Variants in TESMIN observed in about 807,000 individuals in gnomAD.
TESMIN encodes testis expressed metallothionein like protein, also known as CXC domain containing 2.
TESMIN carries 34 observed loss-of-function variants against 47.4 expected under a neutral mutation model. That is an observed-to-expected ratio of 0.72 (90% CI 0.55 to 0.96). TESMIN has a LOEUF of 0.96. TESMIN is among the 40% of genes least tolerant of loss of function. TESMIN has a pLI of 0.00. For missense variants in TESMIN, 610 were observed against 637.2 expected (o/e 0.96, Z 0.46); for synonymous variants, 278 against 258.9 (o/e 1.07, Z -0.71).
chr11:68,708,222 G>A lies in TESMIN; in HGVS notation c.*86C>T. ...AGGGGAGCCTGGTTGTTGCTGCAGA[G>A]CCAGCCTCATGTTCCCCTAAACATC... On this transcript the variant is annotated 3_prime_UTR_variant, in exon 10 of 10. Transcript: ENST00000255087. The A allele has an allele frequency of 7.4e-7, 1 of 1,344,594 alleles. No homozygotes were observed. 83.3% of individuals were successfully genotyped at this position (1,344,594 alleles called of 1,614,324 possible).
chr11:68,750,181 G>A lies in TESMIN; in HGVS notation c.471+9C>T, dbSNP rs1178393680. On this transcript the variant is annotated intron_variant, in intron 2 of 9. Transcript: ENST00000255087. ...GGGGAGCTGTGCCCATTCCCCAGGC[G>A]GTTCTTACTGGGATCATGCGGACGC... The A allele has an allele frequency of 2.0e-6, 3 of 1,464,506 alleles. No homozygotes were observed. Among genetic ancestry groups the A allele is most frequent in the Non-Finnish European group, 2.7e-6 (3 of 1,117,526 alleles). The allele number at this position is 1,464,506 out of a possible 1,614,324, so 90.7% of individuals were successfully genotyped here. A position where few individuals can be genotyped will look rare whatever the true frequency, so the allele number is the denominator to read the frequency against.
intron 5 of TESMIN, among the ~76,000 whole-genome samples, chr11:68,741,700 T>C (rs1324675432): frequency 2.6e-5 from 4 of 152,192 alleles, no homozygotes; most frequent in Non-Finnish European, 5.9e-5. Flanking sequence ...GAGACACATA[T>C]GGCCTCTGCC....
chr11:68,738,310 C>A (rs1946412291), intron 6 of TESMIN: 1 of 1,007,814 alleles, frequency 9.9e-7, no homozygotes. Flanking sequence ...CACTCTGCAG[C>A]CCCCCGTTCA....
chr11:68,723,512 G>C (rs997507116), intron 6 of TESMIN, among the ~76,000 whole-genome samples: 1 of 146,182 alleles, frequency 6.8e-6, no homozygotes, highest in African/African-American at 2.5e-5. Flanking sequence ...AAGGTAAGCA[G>C]TTAACACAAA....
chr11:68,718,204 G>A (rs1179646688), intron 6 of TESMIN, among the ~76,000 whole-genome samples: 1 of 35,496 alleles, frequency 2.8e-5, no homozygotes, highest in Non-Finnish European at 6.5e-5. Context: ...TCTTAAGTAT[G>A]AGCAGAGTGA....
intron 6 of TESMIN, among the ~76,000 whole-genome samples, chr11:68,719,812 A>G (rs34537179): frequency 0.11 from 16,073 of 152,246 alleles, 1,135 homozygotes; most frequent in Non-Finnish European, 0.16. Flanking sequence ...AGAGAGGTTA[A>G]GAGAAACAGT....
rs542506641 is a variant in TESMIN at position 68,750,547 on chromosome 11, G to T, written c.114C>A (p.Pro38=). The T allele has an allele frequency of 1.7e-5, 28 of 1,606,548 alleles. 1 individual carries two copies. The East Asian group carries it at 1.8e-4, about 10-fold the overall frequency. ...FASENIGLKA[P]VKYEEDEFHV... is the part of the protein sequence containing the mutation. ...GGAACTCGTCCTCCTCGTACTTCACGGGGGCCTTCAGGCCGATGTTCTCCG... is the reference window on the plus strand; with the variant it reads ...GGAACTCGTCCTCCTCGTACTTCACTGGGGCCTTCAGGCCGATGTTCTCCG... The change falls in exon 2 of 10, where the codon CCC becomes CCA. Residue 38 remains proline, a synonymous_variant. Coordinates refer to ENST00000255087, the MANE Select transcript of TESMIN (RefSeq NM_004923.3).
chr11:68,745,215 T>C lies in TESMIN; in HGVS notation c.631-104A>G, dbSNP rs1481301540. On this transcript the variant is annotated intron_variant, in intron 3 of 9. Coordinates refer to ENST00000255087, the MANE Select transcript of TESMIN (RefSeq NM_004923.3). Reference sequence around the variant, plus strand: ...GAGAAAATAGCTTTAATCCAGAAGTTACATTTTAATGGAAGATAGAAAACT... The same window carrying C: ...GAGAAAATAGCTTTAATCCAGAAGTCACATTTTAATGGAAGATAGAAAACT... 5 of 1,091,798 alleles carry C rather than the reference T, an allele frequency of 4.6e-6. No homozygotes were observed. In the African/African-American group the frequency reaches 5.0e-5, roughly 11 times the overall value. The allele number at this position is 1,091,798 out of a possible 1,614,324, so 67.6% of individuals were successfully genotyped here.
downstream of TESMIN, among the ~76,000 whole-genome samples, chr11:68,706,485 G>A (rs1230931903): frequency 6.6e-6 from 1 of 152,198 alleles, no homozygotes; most frequent in African/African-American, 2.4e-5. Context: ...GGCCACACCT[G>A]GTTCAGGATC....
rs180920192 is a variant in TESMIN at position 68,736,902 on chromosome 11, T to G, written c.917+1798A>C. 217 of 985,440 alleles carry G rather than the reference T, an allele frequency of 2.2e-4. 4 individuals are homozygous for G. In the East Asian group the frequency reaches 0.016, roughly 71 times the overall value. 61.0% of individuals were successfully genotyped at this position (985,440 alleles called of 1,614,324 possible). On this transcript the variant is annotated intron_variant, in intron 6 of 9. Transcript: ENST00000255087. ...GCTGCCCTGAAAACGCTGTCATGAC[T>G]GCTGCTCTGTGCAAATGCCCATCGG... is the stretch of plus-strand genomic sequence containing the variant.
Position 68,750,366 on chromosome 11 carries a change from C to G in TESMIN, c.295G>C (p.Gly99Arg). 6.6e-7 allele frequency: 1 copy of G among 1,510,440 alleles called. No homozygotes were observed. The highest frequency in any genetic ancestry group is 8.9e-7 in the Non-Finnish European group (1 of 1,127,276). 93.6% of individuals were successfully genotyped at this position (1,510,440 alleles called of 1,614,324 possible). Residue 99 changes from glycine to arginine, a missense_variant, in exon 2 of 10, where the codon GGG becomes CGG. Transcript: ENST00000255087. ...DGGELLGEYP[G>R]IPELSALEDV... is the part of the protein sequence containing the mutation. ...TCCAGCGCGCTGAGCTCTGGGATCC[C>G]GGGGTACTCCCCGAGGAGCTCCCCG...
chr11:68,749,451 G>C (rs894722925), intron 2 of TESMIN, among the ~76,000 whole-genome samples: 2 of 152,220 alleles, frequency 1.3e-5, no homozygotes, highest in Admixed American at 6.5e-5. Flanking sequence ...GAGTGGTCTC[G>C]TTTTCTGAGC....
Position 68,715,672 on chromosome 11 carries a change from T to C in TESMIN, c.1020+165A>G, listed in dbSNP as rs551336446. ...GCCTACCACTTTTACAACAGCCGCT[T>C]GTCGTGGTTCAATACCCCCACCGGC... is the stretch of plus-strand genomic sequence containing the variant. On this transcript the variant is annotated intron_variant, in intron 7 of 9. Transcript: ENST00000255087. Among the ~76,000 whole-genome samples, 11 of 152,368 alleles carry C rather than the reference T, an allele frequency of 7.2e-5. No homozygotes were observed. The South Asian group carries it at 2.1e-3, about 29-fold the overall frequency.
chr11:68,714,192 C>T (rs879589085), intron 7 of TESMIN, among the ~76,000 whole-genome samples: 2 of 152,228 alleles, frequency 1.3e-5, no homozygotes, highest in Non-Finnish European at 2.9e-5. Flanking sequence ...CATTTGGAAT[C>T]GGTGCTGTCC....
chr11:68,737,874 T>C, intron 6 of TESMIN: 1 of 921,462 alleles, frequency 1.1e-6, no homozygotes. Context: ...GATCATGCCA[T>C]TGTATTCCAG....
chr11:68,711,210 G>A (rs573984023), intron 8 of TESMIN, among the ~76,000 whole-genome samples, 161 bp from the exon 9 acceptor site: 20 of 151,532 alleles, frequency 1.3e-4, no homozygotes, highest in African/African-American at 2.2e-4. Flanking sequence ...GGGTGAGAGC[G>A]TGTGTTGAAC....
intron 9 of TESMIN, 70 bp downstream of exon 9, chr11:68,710,804 T>C (rs896459308): frequency 7.4e-5 from 104 of 1,400,638 alleles, no homozygotes; most frequent in Non-Finnish European, 9.7e-5. Flanking sequence ...AGTGTATAAA[T>C]TGTCGTTAAT....
At chr11:68,721,833 G>A (rs954461279) in intron 6 of TESMIN, among the ~76,000 whole-genome samples, 1 of 152,128 alleles carries the variant, frequency 6.6e-6, no homozygotes, top group African/African-American at 2.4e-5. Flanking sequence ...ATAAGCAAGC[G>A]AAAAAGCAGT....
chr11:68,709,033 G>A (rs1251227836), intron 9 of TESMIN, among the ~76,000 whole-genome samples: 1 of 149,676 alleles, frequency 6.7e-6, no homozygotes, highest in East Asian at 2.0e-4. Flanking sequence ...TTACAGGCGT[G>A]AGCCACCACA....
Sources: gnomAD v4.1 joint callset for allele counts (sites outside exome capture counted in the v4.1 genomes callset) on GRCh38, gnomAD v4.1.1 for gene constraint, MANE v1.5 for transcripts, NCBI Gene and HGNC (gene_info 2026-07-23, HGNC 2026-07-21) for gene names.